Variants in UBE3A observed in about 807,000 individuals in gnomAD.
UBE3A encodes ubiquitin-protein ligase E3A.
In UBE3A, 6 loss-of-function variants were observed where a neutral mutation model predicts 83.4. The observed-to-expected ratio is 0.07, with a 90% confidence interval of 0.04 to 0.14. UBE3A has a LOEUF of 0.14. UBE3A is among the 10% of genes least tolerant of loss of function. The pLI is 1.00. For missense variants in UBE3A, 456 were observed against 1,036.1 expected (o/e 0.44, Z 7.69); for synonymous variants, 337 against 355.4 (o/e 0.95, Z 0.58).
At chr15:25,367,194 TTTA>T in intron 6 of UBE3A, among the ~76,000 whole-genome samples, 1 of 122,474 alleles carries the variant, frequency 8.2e-6, no homozygotes, top group African/African-American at 4.4e-5. Context: ...TATGTAAATA[TTTA>T]CATATTTGTA....
Position 25,375,507 on chromosome 15 carries a change from C to G in UBE3A, c.319G>C (p.Glu107Gln). 6.2e-7 allele frequency: 1 copy of G among 1,614,064 alleles called. No homozygotes were observed. The highest frequency in any genetic ancestry group is 8.5e-7 in the Non-Finnish European group (1 of 1,180,008). ...SKGAPNNSCS[E>Q]IKMNKKGARI... ...GCGCCTTTCTTGTTCATTTTTATCT[C>G]AGAGCAGGAGTTGTTGGGGGCACCT... Residue 107 changes from glutamate (E) to glutamine (Q), a missense_variant, in exon 5 of 13, where the codon GAG (glutamate) becomes CAG (glutamine). By Grantham distance (29) the Glu-to-Gln change is conservative. Transcript: ENST00000648336.
Position 25,398,802 on chromosome 15 carries a change from TATATATATATATAA to T in UBE3A, c.62+6645_62+6658del, listed in dbSNP as rs1430450835. On this transcript the variant is annotated intron_variant, in intron 4 of 12. Transcript: ENST00000648336. ...ATATATATATATATATATATATATA[TATATATATATATAA>T]AAATACATATATATCCAAGTGTGAC... 0.047 allele frequency among the ~76,000 whole-genome samples: 3,107 copies of T among 65,416 alleles called. 287 individuals are homozygous for T. In the East Asian group the frequency reaches 0.49, roughly 10 times the overall value. 42.9% of individuals were successfully genotyped at this position (65,416 alleles called of 152,430 possible). A position where few individuals can be genotyped will look rare whatever the true frequency, so the allele number is the denominator to read the frequency against.
intron 4 of UBE3A, among the ~76,000 whole-genome samples, chr15:25,386,910 A>C (rs570652115): frequency 1.3e-5 from 2 of 152,332 alleles, no homozygotes; most frequent in South Asian, 4.1e-4. Flanking sequence ...TTGTCAGTAC[A>C]CCTGCCTTGC....
chr15:25,357,931 G>T (rs1345225926), intron 7 of UBE3A, among the ~76,000 whole-genome samples: 1 of 130,460 alleles, frequency 7.7e-6, no homozygotes, highest in Non-Finnish European at 1.6e-5. Context: ...TTTTGAGACG[G>T]TCTCGCTCTG....
chr15:25,367,310 A>C (rs1162185457), intron 6 of UBE3A, among the ~76,000 whole-genome samples: 2 of 141,952 alleles, frequency 1.4e-5, no homozygotes, highest in South Asian at 4.3e-4. Context: ...ATATTAAATT[A>C]AATTACATAT....
At chr15:25,412,365 A>G (rs2090153012) in intron 1 of UBE3A, among the ~76,000 whole-genome samples, 1 of 152,212 alleles carries the variant, frequency 6.6e-6, no homozygotes, top group Non-Finnish European at 1.5e-5. Context: ...TATGTTAGGT[A>G]CAAATCTGGG....
In UBE3A at chr15:25,339,133, T is replaced by G; in HGVS notation, c.*4A>C. 1.3e-6 allele frequency: 2 copies of G among 1,545,910 alleles called. No homozygotes were observed. The highest frequency in any genetic ancestry group is 2.3e-5 in the East Asian group (1 of 43,704). Reference sequence around the variant, plus strand: ...TTTTTTGTTTTATTTTGTTTTGTTTTGTTTTACAGCATGCCAAATCCTTTG... The same window carrying G: ...TTTTTTGTTTTATTTTGTTTTGTTTGGTTTTACAGCATGCCAAATCCTTTG... On this transcript the variant is annotated 3_prime_UTR_variant, in exon 13 of 13. Transcript: ENST00000648336.
intron 3 of UBE3A, 62 bp from the exon 4 acceptor site, chr15:25,405,564 C>T: frequency 6.4e-7 from 1 of 1,552,318 alleles, no homozygotes; most frequent in Non-Finnish European, 8.9e-7. Flanking sequence ...AAAAGGTAGA[C>T]ATATTACTTA....
intron 4 of UBE3A, among the ~76,000 whole-genome samples, chr15:25,397,479 T>C (rs2085851373): frequency 6.6e-6 from 1 of 152,154 alleles, no homozygotes; most frequent in Non-Finnish European, 1.5e-5. Context: ...CCAGAGGCTT[T>C]CTGAAGACCC....
intron 11 of UBE3A, among the ~76,000 whole-genome samples, chr15:25,345,408 A>G (rs10162711): frequency 0.037 from 5,657 of 152,204 alleles, 343 homozygotes; most frequent in African/African-American, 0.13. Context: ...GTTCAAATAT[A>G]TGTGTGGGAT....
intron 1 of UBE3A, among the ~76,000 whole-genome samples, chr15:25,420,355 A>G (rs1442516887): frequency 1.3e-5 from 2 of 152,162 alleles, no homozygotes; most frequent in Non-Finnish European, 2.9e-5. Context: ...ACTTTGCTTC[A>G]AAGCATATGA....
intron 4 of UBE3A, among the ~76,000 whole-genome samples, chr15:25,387,096 T>C (rs2083296264): frequency 6.6e-6 from 1 of 152,224 alleles, no homozygotes; most frequent in Admixed American, 6.5e-5. Context: ...GCTCCTAAAC[T>C]TACTTATTGG....
intron 6 of UBE3A, among the ~76,000 whole-genome samples, chr15:25,364,744 T>C (rs1008670636): frequency 1.3e-5 from 2 of 151,174 alleles, no homozygotes; most frequent in East Asian, 2.0e-4. Context: ...CCCAGGTTCA[T>C]GCCATTCTCC....
intron 3 of UBE3A, 88 bp downstream of exon 3, chr15:25,409,000 G>T: frequency 1.5e-6 from 2 of 1,372,668 alleles, no homozygotes; most frequent in Non-Finnish European, 2.0e-6. Context: ...CAGTATTCCT[G>T]CCAACTATAC....
intron 1 of UBE3A, among the ~76,000 whole-genome samples, chr15:25,434,882 G>A (rs983830216): frequency 6.6e-6 from 1 of 151,902 alleles, no homozygotes; most frequent in African/African-American, 2.4e-5. Flanking sequence ...TCCATGTACT[G>A]CCAGAAGACA....
At chr15:25,431,868 T>G (rs534318706) in intron 1 of UBE3A, among the ~76,000 whole-genome samples, 29 of 152,316 alleles carry the variant, frequency 1.9e-4, no homozygotes, top group African/African-American at 6.3e-4. Flanking sequence ...CGCTGTAAGA[T>G]TATCAATATT....
intron 11 of UBE3A, among the ~76,000 whole-genome samples, chr15:25,352,786 T>C (rs1402383351): frequency 1.3e-5 from 2 of 152,200 alleles, no homozygotes; most frequent in Non-Finnish European, 2.9e-5. Context: ...AGAAGCTGAA[T>C]TTAGTTAGAA....
At chr15:25,438,017 C>T (rs935873114) in intron 1 of UBE3A, 11 of 152,396 alleles carry the variant, frequency 7.2e-5, no homozygotes, top group African/African-American at 2.6e-4. Context: ...ATCCGCCCTC[C>T]CTTCCCATCA....
intron 11 of UBE3A, among the ~76,000 whole-genome samples, chr15:25,353,843 T>G (rs187925417): frequency 1.3e-5 from 2 of 152,128 alleles, no homozygotes; most frequent in Non-Finnish European, 2.9e-5. Flanking sequence ...CAGATAGAAC[T>G]GGGAACCTCT....
Sources: gnomAD v4.1 joint callset for allele counts (sites outside exome capture counted in the v4.1 genomes callset) on GRCh38, gnomAD v4.1.1 for gene constraint, MANE v1.5 for transcripts, NCBI Gene and HGNC (gene_info 2026-07-23, HGNC 2026-07-21) for gene names.